Variants in MYO18A observed in about 807,000 individuals in gnomAD.
The protein encoded by MYO18A is unconventional myosin-XVIIIa.
A neutral mutation model predicts 235.8 loss-of-function variants in MYO18A; 78 were observed. The observed-to-expected ratio is 0.33, with a 90% CI of 0.28 to 0.40. The LOEUF (loss-of-function observed/expected upper bound fraction) is 0.40. Ranked by LOEUF, MYO18A falls within the 10% of genes least tolerant of loss-of-function variation. The pLI, the probability that MYO18A is intolerant of heterozygous loss-of-function variation, is 1.00. For missense variants in MYO18A, 2,215 were observed against 2,699.3 expected (o/e 0.82, Z 3.98); for synonymous variants, 977 against 1,077.8 (o/e 0.91, Z 1.83).
At position 29,089,894 on chromosome 17, in the gene MYO18A, A is replaced by G. The variant is rs561333706; in HGVS notation, c.5526+67T>C. 1.1e-5 allele frequency: 18 copies of G among 1,595,394 alleles called. No individual in the cohort carries two copies. The South Asian group carries it at 2.1e-4, about 18-fold the overall frequency. Reference sequence around the variant, plus strand: ...GGGGGCCTGTCCAGCCCTGCTGAGCATGCGCGGCTCCAGCGCTGGGGCAGC... The same window carrying G: ...GGGGGCCTGTCCAGCCCTGCTGAGCGTGCGCGGCTCCAGCGCTGGGGCAGC... On this transcript the variant is annotated intron_variant, in intron 37 of 41. Coordinates refer to ENST00000527372, the MANE Select transcript of MYO18A (RefSeq NM_078471.4).
At chr17:29,164,408 G>A (rs2068237740) in intron 2 of MYO18A, among the ~76,000 whole-genome samples, 1 of 152,166 alleles carries the variant, frequency 6.6e-6, no homozygotes, top group Admixed American at 6.5e-5. Context: ...CGGGTTAAAG[G>A]AAGGCCTGGA....
intron 21 of MYO18A, among the ~76,000 whole-genome samples, chr17:29,101,413 C>T (rs1179323054): frequency 4.0e-5 from 6 of 151,588 alleles, no homozygotes; most frequent in Admixed American, 1.3e-4. Flanking sequence ...TCAAGCGATT[C>T]TCATGCCTCA....
At chr17:29,098,591 C>T in intron 23 of MYO18A, 146 bp from the exon 24 acceptor site, 1 of 1,083,854 alleles carries the variant, frequency 9.2e-7, no homozygotes, top group Non-Finnish European at 1.3e-6. Context: ...AGAGCCACTG[C>T]CTCCTGGGGA....
intron 40 of MYO18A, among the ~76,000 whole-genome samples, chr17:29,083,532 G>GCACACA (rs57491599): frequency 0.016 from 2,325 of 144,720 alleles, 72 homozygotes; most frequent in African/African-American, 0.049. Context: ...GCGCGCGCGC[G>GCACACA]CACACACACA....
intron 2 of MYO18A, among the ~76,000 whole-genome samples, chr17:29,139,003 T>A (rs1244042489): frequency 6.6e-6 from 1 of 152,150 alleles, no homozygotes; most frequent in Admixed American, 6.5e-5. Flanking sequence ...AGGAATGAAC[T>A]GAAGGCCATG....
chr17:29,138,361 G>A (rs1409464410), intron 2 of MYO18A, among the ~76,000 whole-genome samples: 3 of 151,924 alleles, frequency 2.0e-5, no homozygotes, highest in South Asian at 2.1e-4. Flanking sequence ...CTCACACACC[G>A]GAGGCTTCTC....
At chr17:29,136,235 GAAAAAAAA>G (rs1181249964) in intron 2 of MYO18A, among the ~76,000 whole-genome samples, 4 of 105,312 alleles carry the variant, frequency 3.8e-5, no homozygotes, top group African/African-American at 1.3e-4. Context: ...CATCTCAAAA[GAAAAAAAA>G]AAAAAAAATA....
At chr17:29,107,646 G>GTGGC (rs1201885637) in intron 19 of MYO18A, 1 of 155,000 alleles carries the variant, frequency 6.5e-6, no homozygotes, top group African/African-American at 2.4e-5. Flanking sequence ...GCCAGGCGTG[G>GTGGC]TGGCTCACGC....
At position 29,074,746 on chromosome 17, in the gene MYO18A, A is replaced by T. The variant is rs2065933914; in HGVS notation, c.*24T>A. 6.2e-7 allele frequency: 1 copy of T among 1,612,802 alleles called. No individual in the cohort carries two copies. Among genetic ancestry groups the T allele is most frequent in the Admixed American group, 1.7e-5 (1 of 59,982 alleles). Reference sequence around the variant, plus strand: ...AGGCAGCCACAGGCCCTGGGGTGAGAGGGCTGCCAACCACTCCCCTGGGCT... The same window carrying T: ...AGGCAGCCACAGGCCCTGGGGTGAGTGGGCTGCCAACCACTCCCCTGGGCT... On this transcript the variant is annotated 3_prime_UTR_variant, in exon 42 of 42. Transcript: ENST00000527372. The surrounding 1 kb of genome is among the most constrained non-coding windows in gnomAD (Gnocchi z 4.4).
In MYO18A at chr17:29,098,416, G is replaced by A. The variant is rs748222992; in HGVS notation, c.3810C>T (p.Leu1270=). The A allele has an allele frequency of 2.3e-5, 37 of 1,613,918 alleles. No homozygotes were observed. Among genetic ancestry groups the A allele is most frequent in the South Asian group, 3.3e-5 (3 of 91,082 alleles). The change falls in exon 24 of 42, where the codon CTC becomes CTT. Residue 1270 remains leucine (L), a synonymous_variant. Coordinates refer to ENST00000527372, the MANE Select transcript of MYO18A (RefSeq NM_078471.4). ...CGTTCCTCTCCTTCTCCGCCTTCTCGAGCTTGCTCCGCAGCTGCTGGATCT... is the reference window on the plus strand; with the variant it reads ...CGTTCCTCTCCTTCTCCGCCTTCTCAAGCTTGCTCCGCAGCTGCTGGATCT... ...DEEIQQLRSK[L]EKAEKERNEL...
rs1236607916 is a variant in MYO18A, at chr17:29,098,882, T to C, written c.3724A>G (p.Thr1242Ala). 1 of 1,613,906 alleles carries C rather than the reference T, an allele frequency of 6.2e-7. No homozygotes were observed. The highest frequency in any genetic ancestry group is 2.2e-5 in the East Asian group (1 of 44,878). Residue 1242 changes from threonine (T) to alanine (A), a missense_variant, in exon 23 of 42, where the codon ACA becomes GCA. Physicochemically the swap from Thr to Ala is moderately conservative, Grantham distance 58. Coordinates refer to ENST00000527372, the MANE Select transcript of MYO18A (RefSeq NM_078471.4). ...KDWPWWKLFT[T>A]VRPLIEVQLS... ...TGTACTTCGATGAGGGGCCTCACTG[T>C]GGTAAAAAGCTTCCACCAGGGCCAG... is the stretch of plus-strand genomic sequence containing the variant.
chr17:29,130,738 C>G (rs994276046), intron 2 of MYO18A, among the ~76,000 whole-genome samples: 1 of 152,222 alleles, frequency 6.6e-6, no homozygotes, highest in Non-Finnish European at 1.5e-5. Flanking sequence ...CCTCTCCTAA[C>G]TACACATCTT....
At chr17:29,081,006 G>A (rs1175661300) in intron 41 of MYO18A, 13 of 985,368 alleles carry the variant, frequency 1.3e-5, no homozygotes, top group Non-Finnish European at 1.6e-5. Context: ...AGAGGCTGTT[G>A]AGGGCCGTTC....
intron 2 of MYO18A, among the ~76,000 whole-genome samples, chr17:29,144,796 T>C (rs952103677): frequency 2.0e-5 from 3 of 152,176 alleles, no homozygotes; most frequent in Non-Finnish European, 4.4e-5. Flanking sequence ...CTCTATTATA[T>C]ACAGTGGAGT....
intron 28 of MYO18A, among the ~76,000 whole-genome samples, chr17:29,096,182 A>G (rs2066514349): frequency 6.6e-6 from 1 of 152,146 alleles, no homozygotes; most frequent in South Asian, 2.1e-4. Context: ...CAGAGGAGAA[A>G]TGGGCACTGT....
chr17:29,122,145 C>T (rs757960098), intron 3 of MYO18A, 21 bp downstream of exon 3: 20 of 1,607,608 alleles, frequency 1.2e-5, no homozygotes, highest in Non-Finnish European at 1.7e-5. Context: ...GACATGTGCC[C>T]CCAGACCCTC....
intron 2 of MYO18A, among the ~76,000 whole-genome samples, chr17:29,159,682 T>C (rs1423800897): frequency 6.6e-6 from 1 of 152,128 alleles, no homozygotes; most frequent in Non-Finnish European, 1.5e-5. Flanking sequence ...GGCAAGACCA[T>C]TTTGAGTCTT....
At chr17:29,080,457 T>C (rs920416649) in intron 41 of MYO18A, 3 of 986,056 alleles carry the variant, frequency 3.0e-6, no homozygotes, top group East Asian at 1.1e-4. Flanking sequence ...CCCACTCCTC[T>C]AGGCAGCTCC....
rs2067116960 is a variant in MYO18A at position 29,118,141 on chromosome 17, C to T, written c.1942G>A (p.Ala648Thr). 2 of 1,596,578 alleles carry T rather than the reference C, an allele frequency of 1.3e-6. No individual in the cohort carries two copies. The highest frequency in any genetic ancestry group is 1.7e-6 in the Non-Finnish European group (2 of 1,170,922). The change falls in exon 10 of 42, where the codon GCC becomes ACC. Residue 648 changes from alanine (A) to threonine (T), a missense_variant. By Grantham distance (58) the Ala-to-Thr change is moderately conservative. Coordinates refer to ENST00000527372, the MANE Select transcript of MYO18A (RefSeq NM_078471.4). This position sits in a 1 kb window ranked among gnomAD's most constrained non-coding sequence, Gnocchi z 4.2. ...GGGGAGATGCCCAGCACCTTCATGG[C>T]CGCCTGCAGCTTACTAAACTGCTGA... ...AAQQFSKLQA[A>T]MKVLGISPDE...
Sources: gnomAD v4.1 joint callset for allele counts (sites outside exome capture counted in the v4.1 genomes callset) on GRCh38, gnomAD v4.1.1 for gene constraint, Gnocchi (gnomAD v3.1) non-coding constraint, MANE v1.5 for transcripts, NCBI Gene and HGNC (gene_info 2026-07-23, HGNC 2026-07-21) for gene names.